ALPK1: variants seen among roughly 807,000 people sequenced by gnomAD.
ALPK1 encodes the protein alpha kinase 1.
Under a neutral mutation model 120.6 loss-of-function variants are expected in ALPK1, and 110 were observed. The observed-to-expected ratio is 0.91, with a 90% CI of 0.78 to 1.07. The LOEUF (loss-of-function observed/expected upper bound fraction) is 1.07. Ranked by LOEUF, ALPK1 falls within the 50% of genes least tolerant of loss-of-function variation. The pLI, the probability that ALPK1 is intolerant of heterozygous loss-of-function variation, is 0.00. For synonymous variants in ALPK1, 582 were observed against 560.3 expected (o/e 1.04, Z -0.55); for missense variants, 1,498 against 1,483.9 (o/e 1.01, Z -0.16).
intron 5 of ALPK1, 123 bp from the exon 6 acceptor site, chr4:112,423,821 G>T: frequency 2.3e-6 from 2 of 859,112 alleles, no homozygotes; most frequent in Admixed American, 1.9e-5. Context: ...ATTATAAAAT[G>T]GAATGCTTCC....
intron 5 of ALPK1, among the ~76,000 whole-genome samples, chr4:112,423,272 T>TG (rs746653436): frequency 9.2e-5 from 14 of 152,082 alleles, no homozygotes; most frequent in Non-Finnish European, 1.9e-4. Flanking sequence ...AACTCTGATG[T>TG]GGTAATGAGC....
intron 2 of ALPK1, among the ~76,000 whole-genome samples, chr4:112,367,116 G>T (rs757305171): frequency 2.0e-5 from 3 of 152,064 alleles, no homozygotes; most frequent in Non-Finnish European, 1.5e-5. Context: ...TCGGGTGATG[G>T]GGTTCACCTA....
intron 5 of ALPK1, among the ~76,000 whole-genome samples, chr4:112,418,748 A>AAATAAT (rs4032103): frequency 6.6e-6 from 1 of 151,322 alleles, no homozygotes; most frequent in Non-Finnish European, 1.5e-5. Flanking sequence ...TGGAGCTGAA[A>AAATAAT]AAGTTACTCC....
chr4:112,372,870 C>T (rs1484255126), intron 2 of ALPK1, among the ~76,000 whole-genome samples: 1 of 152,162 alleles, frequency 6.6e-6, no homozygotes, highest in East Asian at 1.9e-4. Flanking sequence ...GGGAATGATA[C>T]AGCACTAAGA....
intron 5 of ALPK1, among the ~76,000 whole-genome samples, chr4:112,413,410 G>A (rs1426962626): frequency 6.6e-6 from 1 of 152,088 alleles, no homozygotes; most frequent in African/African-American, 2.4e-5. Flanking sequence ...GGTCTTTCAG[G>A]TTTCCATTTT....
intron 3 of ALPK1, among the ~76,000 whole-genome samples, chr4:112,381,658 G>A (rs547832384): frequency 6.6e-6 from 1 of 152,242 alleles, no homozygotes; most frequent in Non-Finnish European, 1.5e-5. Context: ...CAAAACATTT[G>A]AGCAATCTCA....
intron 2 of ALPK1, among the ~76,000 whole-genome samples, chr4:112,324,250 C>T (rs1729001934): frequency 6.6e-6 from 1 of 151,370 alleles, no homozygotes. Flanking sequence ...TGGCTTGAAC[C>T]TGGGAGGCGG....
In ALPK1 at chr4:112,421,745, C is replaced by T. The variant is rs184160103; in HGVS notation, c.476-2199C>T. Among the ~76,000 whole-genome samples the T allele has an allele frequency of 1.4e-4, 22 of 152,284 alleles. No homozygotes were observed. In the East Asian group the frequency reaches 3.5e-3, roughly 24 times the overall value. On this transcript the variant is annotated intron_variant, in intron 5 of 15. Transcript: ENST00000650871. ...TTCCATCTTAACTAAGCATCTATCACGCACGGTAGCCATACTTTCACAGTT... is the reference window on the plus strand; with the variant it reads ...TTCCATCTTAACTAAGCATCTATCATGCACGGTAGCCATACTTTCACAGTT...
Position 112,377,677 on chromosome 4 carries a change from G to A in ALPK1, c.-100-1G>A, listed in dbSNP as rs1164624118. The A allele has an allele frequency of 2.6e-6, 3 of 1,149,466 alleles. No individual in the cohort carries two copies. The highest frequency in any genetic ancestry group is 2.6e-5 in the Admixed American group (1 of 38,536). The allele number at this position is 1,149,466 out of a possible 1,614,324, so 71.2% of individuals were successfully genotyped here. ...ATCTTTCCCTCTCTTTTGTTCACCA[G>A]GTACTTCGGCCTTCAAGGGGCTCCT... On this transcript the variant is annotated splice_acceptor_variant, in intron 2 of 15. Coordinates refer to ENST00000650871, the MANE Select transcript of ALPK1 (RefSeq NM_025144.4). LOFTEE classifies it low-confidence loss of function (5UTR_SPLICE).
At position 112,431,045 on chromosome 4, in the gene ALPK1, A is replaced by C; in HGVS notation, c.1498A>C (p.Ile500Leu). 1 of 1,613,884 alleles carries C rather than the reference A, an allele frequency of 6.2e-7. No homozygotes were observed. Among genetic ancestry groups the C allele is most frequent in the Non-Finnish European group, 8.5e-7 (1 of 1,179,974 alleles). ...ITALKTEIKN[I>L]DTVSTTQEKP... is the part of the protein sequence containing the mutation. ...TGCTCTAAAAACAGAAATAAAAAAC[A>C]TAGATACTGTGAGTACTACTCAAGA... Residue 500 changes from isoleucine (I) to leucine (L), a missense_variant, in exon 11 of 16, where the codon ATA (isoleucine) becomes CTA (leucine). Transcript: ENST00000650871.
At chr4:112,300,090 A>G (rs904740614) in intron 1 of ALPK1, among the ~76,000 whole-genome samples, 2 of 152,334 alleles carry the variant, frequency 1.3e-5, no homozygotes, top group African/African-American at 4.8e-5. Context: ...AAGTCGTAAT[A>G]ACAAATAATT....
At chr4:112,360,001 T>C (rs1463575937) in intron 2 of ALPK1, among the ~76,000 whole-genome samples, 2 of 152,214 alleles carry the variant, frequency 1.3e-5, no homozygotes, top group Non-Finnish European at 2.9e-5. Context: ...AGTCACCAGA[T>C]ACAACAGACC....
intron 2 of ALPK1, chr4:112,359,780 G>A: frequency 4.7e-6 from 2 of 428,218 alleles, no homozygotes; most frequent in African/African-American, 2.1e-5. Flanking sequence ...CCTCCAGGAA[G>A]CAGAGCATCA....
In ALPK1 at chr4:112,431,494, T is replaced by C. The variant is rs1734550029; in HGVS notation, c.1947T>C (p.Ser649=). ...HSLHSQLHDL[S]LQEPNNDNLE... is the part of the protein sequence containing the mutation. ...TGCATTCACAGCTTCATGATCTCTC[T>C]CTTCAGGAACCCAACAATGACAATT... is the stretch of plus-strand genomic sequence containing the variant. Residue 649 remains serine (S), a synonymous_variant, in exon 11 of 16, where the codon TCT becomes TCC. Transcript: ENST00000650871. 14 of 1,614,076 alleles carry C rather than the reference T, an allele frequency of 8.7e-6. No homozygotes were observed. Among genetic ancestry groups the C allele is most frequent in the Non-Finnish European group, 1.1e-5 (13 of 1,180,028 alleles).
intron 5 of ALPK1, chr4:112,412,275 A>G: frequency 1.6e-6 from 1 of 627,614 alleles, no homozygotes; most frequent in Non-Finnish European, 2.9e-6. Flanking sequence ...GAAAATACTA[A>G]TTGGAGCTTT....
rs1346409856 is a variant in ALPK1 at position 112,432,073 on chromosome 4, G to A, written c.2526G>A (p.Gln842=). ...SRKSGGPVAE[Q]GIDPDASTVD... ...AAAGTGGTGGCCCAGTCGCAGAGCA[G>A]GGCATCGACCCTGATGCCTCCACAG... Residue 842 remains glutamine (Q), a synonymous_variant, in exon 11 of 16, where the codon CAG becomes CAA. Transcript: ENST00000650871. 2 of 1,614,124 alleles carry A rather than the reference G, an allele frequency of 1.2e-6. No individual in the cohort carries two copies. Among genetic ancestry groups the A allele is most frequent in the Admixed American group, 1.7e-5 (1 of 60,030 alleles).
intron 2 of ALPK1, among the ~76,000 whole-genome samples, chr4:112,372,999 G>A (rs893530791): frequency 2.0e-5 from 3 of 152,136 alleles, no homozygotes; most frequent in Non-Finnish European, 4.4e-5. Context: ...TCTCGATGTA[G>A]TTCTACAAAA....
At chr4:112,348,737 T>C (rs149869368) in intron 2 of ALPK1, among the ~76,000 whole-genome samples, 1 of 152,232 alleles carries the variant, frequency 6.6e-6, no homozygotes, top group Non-Finnish European at 1.5e-5. Flanking sequence ...ATGAACACGC[T>C]GTGTGAATCA....
chr4:112,308,256 G>T (rs1159995950), intron 1 of ALPK1, among the ~76,000 whole-genome samples: 1 of 152,004 alleles, frequency 6.6e-6, no homozygotes, highest in Non-Finnish European at 1.5e-5. Flanking sequence ...GAGTATCTTT[G>T]TGGCTTTCTC....
Sources: allele counts gnomAD v4.1 joint callset (sites outside exome capture counted in the v4.1 genomes callset), GRCh38; gene constraint gnomAD v4.1.1; transcripts MANE v1.5; gene names NCBI Gene and HGNC (gene_info 2026-07-23, HGNC 2026-07-21).